The following CDC5L variants were observed in gnomAD, a reference collection of about 807,000 sequenced individuals.
CDC5L encodes the protein cell division cycle 5 like.
Under a neutral mutation model 104.1 loss-of-function variants are expected in CDC5L, and 18 were observed. The observed-to-expected ratio is 0.17, with a 90% CI of 0.12 to 0.26. The LOEUF (loss-of-function observed/expected upper bound fraction) is 0.26, where lower values mean the gene tolerates loss of function less well. CDC5L is among the 10% of genes least tolerant of loss of function. The pLI, the probability that CDC5L is intolerant of heterozygous loss-of-function variation, is 1.00. For synonymous variants in CDC5L, 331 were observed against 322.7 expected (o/e 1.03, Z -0.28); for missense variants, 673 against 956.9 (o/e 0.70, Z 3.91).
chr6:44,397,251 G>A lies in CDC5L; in HGVS notation c.539+811G>A, dbSNP rs142777136. On this transcript the variant is annotated intron_variant, in intron 5 of 15. Coordinates refer to ENST00000371477, the MANE Select transcript of CDC5L (RefSeq NM_001253.4). ...GAAGAGTCCCAGGATTTTAGGAGTTGCATTGTTGGAAACGGATGAAGACCA... is the reference window on the plus strand; with the variant it reads ...GAAGAGTCCCAGGATTTTAGGAGTTACATTGTTGGAAACGGATGAAGACCA... Among the ~76,000 whole-genome samples the A allele has an allele frequency of 8.7e-4, 133 of 152,326 alleles. 1 individual carries two copies. The highest frequency in any genetic ancestry group is 3.4e-3 in the Middle Eastern group (1 of 294).
chr6:44,425,674 T>C (rs1324622250), intron 11 of CDC5L, among the ~76,000 whole-genome samples: 1 of 152,182 alleles, frequency 6.6e-6, no homozygotes, highest in African/African-American at 2.4e-5. Flanking sequence ...CCTTCAGAAA[T>C]GGCATGAAAT....
At chr6:44,405,054 A>G (rs1791304499) in intron 6 of CDC5L, among the ~76,000 whole-genome samples, 1 of 152,208 alleles carries the variant, frequency 6.6e-6, no homozygotes, top group African/African-American at 2.4e-5. Context: ...ATTAAAAGAA[A>G]AAACTTACTG....
intron 14 of CDC5L, among the ~76,000 whole-genome samples, chr6:44,442,085 C>T (rs1031108067): frequency 1.5e-4 from 23 of 151,638 alleles, no homozygotes; most frequent in East Asian, 7.7e-4. Flanking sequence ...TACAGGCGCC[C>T]GCTACCATGC....
At chr6:44,412,949 A>AT (rs1333977952) in intron 8 of CDC5L, among the ~76,000 whole-genome samples, 37 of 150,822 alleles carry the variant, frequency 2.5e-4, no homozygotes, top group Non-Finnish European at 4.1e-4. Flanking sequence ...CGCCCGGCTA[A>AT]TTTTTTGTAT....
chr6:44,394,539 T>C (rs570123311), intron 4 of CDC5L, among the ~76,000 whole-genome samples: 13 of 152,066 alleles, frequency 8.5e-5, no homozygotes, highest in Admixed American at 2.6e-4. Flanking sequence ...TCAACCTAAG[T>C]GTCCATTAAT....
intron 14 of CDC5L, among the ~76,000 whole-genome samples, chr6:44,444,600 G>A (rs1034261430): frequency 6.6e-6 from 1 of 152,038 alleles, no homozygotes; most frequent in African/African-American, 2.4e-5. Flanking sequence ...GACTGGAAGA[G>A]TATGCAGTTA....
intron 14 of CDC5L, among the ~76,000 whole-genome samples, chr6:44,432,920 C>A (rs1253295070): frequency 6.6e-6 from 1 of 152,124 alleles, no homozygotes; most frequent in African/African-American, 2.4e-5. Flanking sequence ...CATGCTGTGT[C>A]CATTTTTACA....
At chr6:44,425,171 C>T (rs565483823) in intron 11 of CDC5L, among the ~76,000 whole-genome samples, 29 of 152,250 alleles carry the variant, frequency 1.9e-4, no homozygotes, top group African/African-American at 6.7e-4. Flanking sequence ...TAAATAGGAT[C>T]GGTATTACAG....
intron 5 of CDC5L, among the ~76,000 whole-genome samples, chr6:44,399,485 A>G (rs938856072): frequency 5.9e-5 from 9 of 152,050 alleles, no homozygotes; most frequent in Non-Finnish European, 1.3e-4. Context: ...ATGTTGGTGT[A>G]TTTAATAGTG....
chr6:44,441,148 C>CTTT (rs1212455966), intron 14 of CDC5L, among the ~76,000 whole-genome samples: 1 of 152,192 alleles, frequency 6.6e-6, no homozygotes, highest in African/African-American at 2.4e-5. Flanking sequence ...CCTATCTACC[C>CTTT]TTTACCCCAG....
intron 13 of CDC5L, 66 bp downstream of exon 13, chr6:44,426,790 C>G: frequency 2.7e-6 from 4 of 1,468,756 alleles, no homozygotes; most frequent in Non-Finnish European, 3.7e-6. Context: ...GTATCATGGA[C>G]AAATAATGAA....
chr6:44,393,677 T>G, intron 4 of CDC5L, 104 bp downstream of exon 4: 2 of 1,200,510 alleles, frequency 1.7e-6, no homozygotes, highest in South Asian at 1.6e-5. Context: ...AATCCCTTTT[T>G]TTTTTGAGAC....
Position 44,424,724 on chromosome 6 carries a change from T to C in CDC5L, c.1569+141T>C, listed in dbSNP as rs11572013. Reference sequence around the variant, plus strand: ...AAAAACTTCTAAAGTAAATAACTTATGTCATTAATAATGTATCCTCACATA... The same window carrying C: ...AAAAACTTCTAAAGTAAATAACTTACGTCATTAATAATGTATCCTCACATA... On this transcript the variant is annotated intron_variant, in intron 11 of 15. Coordinates refer to ENST00000371477, the MANE Select transcript of CDC5L (RefSeq NM_001253.4). 2.4e-3 allele frequency: 1,633 copies of C among 685,024 alleles called. 25 individuals carry two copies. The African/African-American group carries it at 0.027, about 11-fold the overall frequency. The allele number at this position is 685,024 out of a possible 1,614,324, so 42.4% of individuals were successfully genotyped here.
intron 6 of CDC5L, among the ~76,000 whole-genome samples, chr6:44,405,627 T>C (rs962981890): frequency 1.2e-4 from 19 of 152,242 alleles, no homozygotes; most frequent in African/African-American, 4.6e-4. Context: ...TTTTATTTCT[T>C]TCATACACAT....
intron 3 of CDC5L, 27 bp downstream of exon 3, chr6:44,392,855 G>A: frequency 6.3e-7 from 1 of 1,594,284 alleles, no homozygotes; most frequent in South Asian, 1.1e-5. Context: ...AAAGAGCATA[G>A]AATATATGTA....
intron 14 of CDC5L, among the ~76,000 whole-genome samples, chr6:44,436,903 G>A (rs890725909): frequency 1.3e-5 from 2 of 151,940 alleles, no homozygotes; most frequent in African/African-American, 2.4e-5. Context: ...ATCAAGTGTC[G>A]GTCTACTTTA....
rs1790394614 is a variant in CDC5L at position 44,387,785 on chromosome 6, GCTC to G, written c.-35_-33del. ...CAATCGCTGTTACTACTTCTCTGAA[GCTC>G]CTCTCGGCTGCTTGCCGAGACACCC... On this transcript the variant is annotated 5_prime_UTR_variant, in exon 1 of 16. Transcript: ENST00000371477. 6.5e-7 allele frequency: 1 copy of G among 1,541,906 alleles called. No individual in the cohort carries two copies. Among genetic ancestry groups the G allele is most frequent in the East Asian group, 2.4e-5 (1 of 40,928 alleles).
chr6:44,437,140 C>T (rs1281963391), intron 14 of CDC5L, among the ~76,000 whole-genome samples: 1 of 152,020 alleles, frequency 6.6e-6, no homozygotes, highest in Non-Finnish European at 1.5e-5. Flanking sequence ...CTCTCTTGTA[C>T]CTCAGTGTTG....
In CDC5L at chr6:44,447,486, G is replaced by A. The variant is rs566282730; in HGVS notation, c.*775G>A. Reference sequence around the variant, plus strand: ...CAGTTACATCAGTGTAGAATTTGGGGAATGGATAGAGGTGGAGATATTTAA... The same window carrying A: ...CAGTTACATCAGTGTAGAATTTGGGAAATGGATAGAGGTGGAGATATTTAA... On this transcript the variant is annotated 3_prime_UTR_variant, in exon 16 of 16. Coordinates refer to ENST00000371477, the MANE Select transcript of CDC5L (RefSeq NM_001253.4). The A allele has an allele frequency of 1.3e-5, 2 of 152,272 alleles. No homozygotes were observed. Among genetic ancestry groups the A allele is most frequent in the South Asian group, 4.1e-4 (2 of 4,820 alleles). 9.4% of individuals were successfully genotyped at this position (152,272 alleles called of 1,614,324 possible).
Sources: gnomAD v4.1 joint callset for allele counts (sites outside exome capture counted in the v4.1 genomes callset) on GRCh38, gnomAD v4.1.1 for gene constraint, MANE v1.5 for transcripts, NCBI Gene and HGNC (gene_info 2026-07-23, HGNC 2026-07-21) for gene names.